The following ELOVL6 variants were observed in gnomAD, a reference collection of about 807,000 sequenced individuals.
ELOVL6 encodes ELOVL fatty acid elongase 6, also known as very long chain fatty acid elongase 6.
A neutral mutation model predicts 31.7 loss-of-function variants in ELOVL6; 8 were observed. The observed-to-expected ratio is 0.25, with a 90% CI of 0.15 to 0.45. The LOEUF is 0.45. Among genes scored for constraint, ELOVL6 ranks in the 20% least tolerant of loss-of-function variants. The pLI is 1.00. For missense variants in ELOVL6, 126 were observed against 326.4 expected, an observed-to-expected ratio of 0.39 and a Z score of 4.73; for synonymous variants, 101 against 117.7, an observed-to-expected ratio of 0.86 and a Z score of 0.92.
intron 1 of ELOVL6, among the ~76,000 whole-genome samples, chr4:110,177,438 T>TA (rs1384548890): frequency 1.3e-5 from 2 of 151,620 alleles, no homozygotes; most frequent in Non-Finnish European, 2.9e-5. Flanking sequence ...CATTGTTTCT[T>TA]AAAAAATAAA....
At chr4:110,109,537 T>C (rs894088279) in intron 1 of ELOVL6, among the ~76,000 whole-genome samples, 3 of 152,232 alleles carry the variant, frequency 2.0e-5, no homozygotes, top group African/African-American at 7.2e-5. Context: ...TTCTCTATCA[T>C]ACTATCTTGT....
In ELOVL6 at chr4:110,050,434, C is replaced by T. The variant is rs1754809667; in HGVS notation, c.*904G>A. The T allele has an allele frequency of 6.6e-6, 1 of 152,286 alleles. No homozygotes were observed. Among genetic ancestry groups the T allele is most frequent in the Non-Finnish European group, 1.5e-5 (1 of 68,042 alleles). 9.4% of individuals were successfully genotyped at this position (152,286 alleles called of 1,614,324 possible). A position where few individuals can be genotyped will look rare whatever the true frequency, so the allele number is the denominator to read the frequency against. ...GGGCCGGGCCTTTTTACAAATACTACAGAACCCGTTTTCACATTGTTTGGT... is the reference window on the plus strand; with the variant it reads ...GGGCCGGGCCTTTTTACAAATACTATAGAACCCGTTTTCACATTGTTTGGT... On this transcript the variant is annotated 3_prime_UTR_variant, in exon 4 of 4. Coordinates refer to ENST00000302274, the MANE Select transcript of ELOVL6 (RefSeq NM_024090.3).
intron 2 of ELOVL6, among the ~76,000 whole-genome samples, chr4:110,069,052 C>T (rs1226301086): frequency 6.6e-6 from 1 of 151,462 alleles, no homozygotes; most frequent in Non-Finnish European, 1.5e-5. Context: ...GAGGCTGGAA[C>T]CTGGGAGGCA....
At chr4:110,084,066 CATATATATGCT>C (rs1756022168) in intron 2 of ELOVL6, among the ~76,000 whole-genome samples, 2 of 48,796 alleles carry the variant, frequency 4.1e-5, no homozygotes, top group Admixed American at 2.2e-4. Flanking sequence ...TGATATATAA[CATATATATGCT>C]ATATATGATA....
intron 1 of ELOVL6, among the ~76,000 whole-genome samples, chr4:110,116,476 TATC>T (rs1353074183): frequency 6.6e-6 from 1 of 152,222 alleles, no homozygotes; most frequent in Non-Finnish European, 1.5e-5. Context: ...GACTCACAAA[TATC>T]AGCATCTGAA....
intron 1 of ELOVL6, among the ~76,000 whole-genome samples, chr4:110,155,906 G>A (rs1469911054): frequency 1.3e-5 from 2 of 152,208 alleles, no homozygotes; most frequent in Non-Finnish European, 2.9e-5. Flanking sequence ...CACAGCTCAT[G>A]TTGAGAACCA....
chr4:110,124,113 C>A (rs1324939649), intron 1 of ELOVL6, among the ~76,000 whole-genome samples: 1 of 152,178 alleles, frequency 6.6e-6, no homozygotes, highest in Non-Finnish European at 1.5e-5. Flanking sequence ...AGTAGCTTGA[C>A]TCTAGAGAAG....
At chr4:110,167,861 A>G (rs1270239536) in intron 1 of ELOVL6, among the ~76,000 whole-genome samples, 1 of 152,156 alleles carries the variant, frequency 6.6e-6, no homozygotes, top group Admixed American at 6.5e-5. Flanking sequence ...GAGAGAAAAA[A>G]TAAAACACCT....
intron 2 of ELOVL6, among the ~76,000 whole-genome samples, chr4:110,067,666 G>GTGC (rs1185174942): frequency 1.3e-5 from 2 of 152,180 alleles, no homozygotes; most frequent in Non-Finnish European, 2.9e-5. Context: ...TCTGCATCAG[G>GTGC]TGCTGACATA....
intron 1 of ELOVL6, among the ~76,000 whole-genome samples, chr4:110,123,977 G>C (rs1055108595): frequency 6.6e-6 from 1 of 152,062 alleles, no homozygotes; most frequent in Admixed American, 6.5e-5. Flanking sequence ...TTCTTTAAAA[G>C]GTAACTATAA....
At chr4:110,124,616 C>A (rs1757444894) in intron 1 of ELOVL6, among the ~76,000 whole-genome samples, 1 of 151,868 alleles carries the variant, frequency 6.6e-6, no homozygotes, top group African/African-American at 2.4e-5. Context: ...GGGCTTAATA[C>A]CTAGGTGATG....
At chr4:110,128,097 C>A (rs1048570176) in intron 1 of ELOVL6, among the ~76,000 whole-genome samples, 3 of 151,418 alleles carry the variant, frequency 2.0e-5, no homozygotes, top group East Asian at 1.9e-4. Flanking sequence ...GGCACGATAA[C>A]CCCATCTTGT....
chr4:110,141,497 T>C (rs567664334), intron 1 of ELOVL6, among the ~76,000 whole-genome samples: 67 of 151,876 alleles, frequency 4.4e-4, no homozygotes, highest in Non-Finnish European at 7.1e-4. Flanking sequence ...AAAGGGGGTG[T>C]ATCAGGAGAT....
intron 1 of ELOVL6, among the ~76,000 whole-genome samples, chr4:110,187,174 G>C (rs1759474864): frequency 6.6e-6 from 1 of 151,700 alleles, no homozygotes; most frequent in Non-Finnish European, 1.5e-5. Context: ...GAGTAAAAGA[G>C]TCTGAAAATC....
At chr4:110,087,008 T>G (rs911580431) in intron 2 of ELOVL6, among the ~76,000 whole-genome samples, 1 of 152,130 alleles carries the variant, frequency 6.6e-6, no homozygotes, top group Non-Finnish European at 1.5e-5. Context: ...GCTGTCTAAA[T>G]GGGTTGTTAG....
intron 1 of ELOVL6, among the ~76,000 whole-genome samples, chr4:110,149,391 A>G (rs960652169): frequency 6.6e-6 from 1 of 152,234 alleles, no homozygotes; most frequent in Non-Finnish European, 1.5e-5. Context: ...AGTGTCCATC[A>G]GTGGAGGACC....
Position 110,198,084 on chromosome 4 carries a change from C to T in ELOVL6, c.89+163G>A, listed in dbSNP as rs891005109. 4 of 577,468 alleles carry T rather than the reference C, an allele frequency of 6.9e-6. 1 individual carries two copies. The highest frequency in any genetic ancestry group is 1.9e-5 in the African/African-American group (1 of 51,694). The allele number at this position is 577,468 out of a possible 1,614,324, so 35.8% of individuals were successfully genotyped here. A position where few individuals can be genotyped will look rare whatever the true frequency, so the allele number is the denominator to read the frequency against. On this transcript the variant is annotated intron_variant, in intron 1 of 3. Coordinates refer to ENST00000302274, the MANE Select transcript of ELOVL6 (RefSeq NM_024090.3). The stretch of plus-strand genomic sequence containing the variant: ...CCTCGCGCTTCATGTACCCCCCCCC[C>T]CCCAGCGTCTCCTGCACCCGGGAGA...
chr4:110,076,039 G>C (rs1400180270), intron 2 of ELOVL6, among the ~76,000 whole-genome samples: 2 of 152,194 alleles, frequency 1.3e-5, no homozygotes, highest in Non-Finnish European at 2.9e-5. Flanking sequence ...AATAGGCATA[G>C]TGATGTTGCA....
chr4:110,139,151 T>G (rs1422961860), intron 1 of ELOVL6, among the ~76,000 whole-genome samples: 3 of 152,146 alleles, frequency 2.0e-5, no homozygotes, highest in African/African-American at 4.8e-5. Flanking sequence ...TATTTTTAAT[T>G]AAAAAATAAA....
Sources: gnomAD v4.1 joint callset for allele counts (sites outside exome capture counted in the v4.1 genomes callset) on GRCh38, gnomAD v4.1.1 for gene constraint, MANE v1.5 for transcripts, NCBI Gene and HGNC (gene_info 2026-07-23, HGNC 2026-07-21) for gene names.